NCOA1: variants seen among roughly 807,000 people sequenced by gnomAD.
The protein encoded by NCOA1 is nuclear receptor coactivator 1, also known as Hin-2 protein.
A neutral mutation model predicts 150.9 loss-of-function variants in NCOA1; 35 were observed. The ratio of observed to expected loss-of-function variants is 0.23; its 90% confidence interval spans 0.18 to 0.31. NCOA1 has a LOEUF of 0.31. NCOA1 is among the 10% of genes least tolerant of loss of function. The pLI is 1.00. For synonymous variants in NCOA1, 590 were observed against 630.0 expected, an observed-to-expected ratio of 0.94 and a Z score of 0.95; for missense variants, 1,491 against 1,749.3, an observed-to-expected ratio of 0.85 and a Z score of 2.63.
chr2:24,625,685 TTGTA>T (rs1287802345), intron 3 of NCOA1, among the ~76,000 whole-genome samples: 1 of 152,016 alleles, frequency 6.6e-6, no homozygotes, highest in Non-Finnish European at 1.5e-5. Flanking sequence ...CTCCAGATGT[TTGTA>T]TGTATTTTTA....
intron 3 of NCOA1, among the ~76,000 whole-genome samples, chr2:24,636,863 GT>G (rs1205890063): frequency 6.6e-6 from 1 of 151,332 alleles, no homozygotes; most frequent in Non-Finnish European, 1.5e-5. Context: ...CATCCATTGA[GT>G]TTTTTTTAAG....
At chr2:24,623,210 T>C (rs1486766471) in intron 3 of NCOA1, among the ~76,000 whole-genome samples, 5 of 152,180 alleles carry the variant, frequency 3.3e-5, no homozygotes, top group African/African-American at 9.7e-5. Flanking sequence ...AAGTGATGAA[T>C]ATTCAAAGGA....
rs1380002074 is a variant in NCOA1, at chr2:24,729,557, T to C, written c.2943T>C (p.Pro981=). Residue 981 remains proline, a synonymous_variant, in exon 17 of 23, where the codon CCT becomes CCC. Transcript: ENST00000348332. ...TTCCACCACAACAAGCAACGCCACC[T>C]TTGATCATGGAAGAAAGACCCAACC... is the stretch of plus-strand genomic sequence containing the variant. ...ERFPPQQATP[P]LIMEERPNLY... 1 of 1,614,218 alleles carries C rather than the reference T, an allele frequency of 6.2e-7. No homozygotes were observed.
At chr2:24,541,237 T>G (rs995826267) in intron 1 of NCOA1, among the ~76,000 whole-genome samples, 1 of 152,136 alleles carries the variant, frequency 6.6e-6, no homozygotes, top group Admixed American at 6.6e-5. Context: ...CACTACTGTT[T>G]GAGAGCTACG....
intron 4 of NCOA1, among the ~76,000 whole-genome samples, chr2:24,653,595 T>A (rs1403027376): frequency 6.6e-6 from 1 of 152,208 alleles, no homozygotes; most frequent in Non-Finnish European, 1.5e-5. Context: ...TTGTGTTAGA[T>A]ATTGGATATA....
At chr2:24,626,796 C>A (rs1424466931) in intron 3 of NCOA1, among the ~76,000 whole-genome samples, 1 of 152,084 alleles carries the variant, frequency 6.6e-6, no homozygotes. Context: ...GTGGTCTTAG[C>A]TCAGATATTC....
chr2:24,617,611 A>G (rs1443680467), intron 3 of NCOA1, among the ~76,000 whole-genome samples: 1 of 152,110 alleles, frequency 6.6e-6, no homozygotes, highest in African/African-American at 2.4e-5. Context: ...CCACCTCATG[A>G]TTAATGTGTA....
At chr2:24,719,253 G>A (rs1674236187) in intron 14 of NCOA1, among the ~76,000 whole-genome samples, 1 of 152,166 alleles carries the variant, frequency 6.6e-6, no homozygotes, top group East Asian at 1.9e-4. Flanking sequence ...CTAATCTGTA[G>A]TAATAGAAGT....
chr2:24,556,361 T>G (rs60372293), intron 1 of NCOA1, among the ~76,000 whole-genome samples: 22,053 of 152,228 alleles, frequency 0.14, 2,000 homozygotes, highest in Non-Finnish European at 0.2. Flanking sequence ...TATTCCATGG[T>G]GTATATGTAC....
At chr2:24,495,947 C>T (rs770429036) in intron 1 of NCOA1, among the ~76,000 whole-genome samples, 2 of 152,214 alleles carry the variant, frequency 1.3e-5, no homozygotes, top group Non-Finnish European at 2.9e-5. Flanking sequence ...GAATTCATCA[C>T]CAAATTCTCG....
At chr2:24,698,162 G>A (rs772573023) in intron 11 of NCOA1, among the ~76,000 whole-genome samples, 5 of 151,976 alleles carry the variant, frequency 3.3e-5, no homozygotes, top group East Asian at 3.8e-4. Context: ...GAAAATATAC[G>A]ACAACCCTAA....
At chr2:24,595,286 C>T (rs1275788777) in intron 3 of NCOA1, among the ~76,000 whole-genome samples, 2 of 152,028 alleles carry the variant, frequency 1.3e-5, no homozygotes, top group Non-Finnish European at 1.5e-5. Context: ...TTCAAACTTA[C>T]TAGCACACCT....
chr2:24,620,524 G>A (rs575630913), intron 3 of NCOA1, among the ~76,000 whole-genome samples: 15 of 152,278 alleles, frequency 9.9e-5, no homozygotes, highest in African/African-American at 3.4e-4. Context: ...AGAATTTCTT[G>A]CTTGAACCTG....
intron 1 of NCOA1, among the ~76,000 whole-genome samples, chr2:24,544,913 T>A (rs1665547837): frequency 6.6e-6 from 1 of 151,852 alleles, no homozygotes; most frequent in African/African-American, 2.4e-5. Flanking sequence ...TTTTGGAGAG[T>A]GAGGTAACCA....
intron 12 of NCOA1, among the ~76,000 whole-genome samples, chr2:24,706,308 A>G (rs1033734168): frequency 6.6e-6 from 1 of 152,144 alleles, no homozygotes; most frequent in Non-Finnish European, 1.5e-5. Flanking sequence ...ACATAAAATT[A>G]TATTTTACAT....
intron 3 of NCOA1, among the ~76,000 whole-genome samples, chr2:24,629,463 T>C (rs1224155146): frequency 1.4e-5 from 2 of 142,740 alleles, no homozygotes; most frequent in East Asian, 2.1e-4. Context: ...GGTTGACCTC[T>C]TACTGTACTG....
chr2:24,740,891 T>G (rs1663567661), intron 18 of NCOA1, among the ~76,000 whole-genome samples: 1 of 152,192 alleles, frequency 6.6e-6, no homozygotes, highest in African/African-American at 2.4e-5. Flanking sequence ...TGACATTTTC[T>G]GAAGAAGGCT....
intron 14 of NCOA1, among the ~76,000 whole-genome samples, chr2:24,719,609 A>G (rs780476902): frequency 1.3e-5 from 2 of 152,184 alleles, no homozygotes; most frequent in Non-Finnish European, 2.9e-5. Flanking sequence ...TTTCTAGCAA[A>G]GGTCCTGGAA....
chr2:24,680,560 G>A (rs1210479437), intron 7 of NCOA1, among the ~76,000 whole-genome samples: 2 of 152,062 alleles, frequency 1.3e-5, no homozygotes, highest in African/African-American at 4.8e-5. Context: ...TGGTTACCAG[G>A]GGCTGCGTGA....
Sources: allele counts gnomAD v4.1 joint callset (sites outside exome capture counted in the v4.1 genomes callset), GRCh38; gene constraint gnomAD v4.1.1; transcripts MANE v1.5; gene names NCBI Gene and HGNC (gene_info 2026-07-23, HGNC 2026-07-21).